LZTFL1: variants seen among roughly 807,000 people sequenced by gnomAD.
LZTFL1 encodes the protein leucine zipper transcription factor like 1.
Under a neutral mutation model 45.9 loss-of-function variants are expected in LZTFL1, and 25 were observed. The observed-to-expected ratio is 0.54, with a 90% CI of 0.40 to 0.76. The LOEUF (loss-of-function observed/expected upper bound fraction) is 0.76, where lower values mean the gene tolerates loss of function less well. Among genes scored for constraint, LZTFL1 ranks in the 30% least tolerant of loss-of-function variants. LZTFL1 has a pLI of 0.00. For synonymous variants in LZTFL1, 93 were observed against 117.4 expected (o/e 0.79, Z 1.35); for missense variants, 277 against 331.1 (o/e 0.84, Z 1.27).
intron 4 of LZTFL1, among the ~76,000 whole-genome samples, chr3:45,848,849 G>A (rs1327228721): frequency 6.6e-6 from 1 of 152,124 alleles, no homozygotes; most frequent in Admixed American, 6.5e-5. Context: ...TATATTTTAT[G>A]CATTAATTAA....
At chr3:45,838,489 A>G (rs1701020544) in intron 1 of LZTFL1, among the ~76,000 whole-genome samples, 1 of 152,236 alleles carries the variant, frequency 6.6e-6, no homozygotes, top group African/African-American at 2.4e-5. Context: ...GATGGCTGTT[A>G]AGTGAGAGCG....
chr3:45,849,369 A>C (rs185506286), intron 4 of LZTFL1, among the ~76,000 whole-genome samples: 13 of 152,354 alleles, frequency 8.5e-5, no homozygotes, highest in African/African-American at 2.9e-4. Context: ...TACAAACGCT[A>C]AGAGATTAAA....
intron 2 of LZTFL1, among the ~76,000 whole-genome samples, chr3:45,908,328 C>A (rs1352320476): frequency 6.6e-6 from 1 of 152,192 alleles, no homozygotes; most frequent in African/African-American, 2.4e-5. Context: ...CACAAGTAGG[C>A]CCAGCATTTC....
intron 2 of LZTFL1, among the ~76,000 whole-genome samples, chr3:45,908,877 T>C: frequency 6.6e-6 from 1 of 152,220 alleles, no homozygotes; most frequent in Non-Finnish European, 1.5e-5. Flanking sequence ...CTCTGTGGCC[T>C]GTTAGGAACC....
At chr3:45,893,155 C>T (rs542800540) in intron 2 of LZTFL1, among the ~76,000 whole-genome samples, 62 of 151,188 alleles carry the variant, frequency 4.1e-4, no homozygotes, top group African/African-American at 1.5e-3. Context: ...CTCTCTCTCT[C>T]TCTTTTTTTT....
At chr3:45,849,031 A>G (rs757523480) in intron 4 of LZTFL1, among the ~76,000 whole-genome samples, 58 of 152,222 alleles carry the variant, frequency 3.8e-4, no homozygotes, top group South Asian at 8.3e-4. Flanking sequence ...TTTATAGGCC[A>G]TCGGCCCTGT....
intron 2 of LZTFL1, among the ~76,000 whole-genome samples, chr3:45,892,897 G>A (rs973567929): frequency 1.6e-4 from 25 of 152,300 alleles, no homozygotes; most frequent in African/African-American, 4.6e-4. Flanking sequence ...GCTGACAGCC[G>A]GAGATGACAC....
At chr3:45,915,256 C>T (rs1306023597) in intron 1 of LZTFL1, among the ~76,000 whole-genome samples, 16 of 152,208 alleles carry the variant, frequency 1.1e-4, no homozygotes, top group Admixed American at 9.2e-4. Flanking sequence ...CTGGGTCCAG[C>T]CCTCCTTGCA....
chr3:45,896,688 T>A (rs962757473), intron 2 of LZTFL1, among the ~76,000 whole-genome samples: 1 of 152,186 alleles, frequency 6.6e-6, no homozygotes, highest in African/African-American at 2.4e-5. Flanking sequence ...GTCTCAATGT[T>A]GGGATTTAAT....
intron 2 of LZTFL1, among the ~76,000 whole-genome samples, chr3:45,904,315 T>C (rs1317452359): frequency 1.3e-5 from 2 of 152,236 alleles, no homozygotes; most frequent in Non-Finnish European, 2.9e-5. Flanking sequence ...ACCTTGACCA[T>C]TGGGACATTA....
At chr3:45,853,084 G>A (rs889174007) in intron 4 of LZTFL1, among the ~76,000 whole-genome samples, 2 of 152,172 alleles carry the variant, frequency 1.3e-5, no homozygotes, top group Non-Finnish European at 2.9e-5. Context: ...CACACTGAAG[G>A]TGGGGTAGGT....
chr3:45,855,000 G>A, exon 4 of LZTFL1: 1 of 1,534,170 alleles, frequency 6.5e-7, no homozygotes, highest in Non-Finnish European at 8.7e-7. Context: ...CTTTCTCCTG[G>A]AACTTAGCCC....
In LZTFL1 at chr3:45,895,093, A is replaced by C. The variant is rs901160169; in HGVS notation, c.-215+18027T>G. ...GTAAGATCTCTGCCTGGCAATGCGC[A>C]TTGCTGGGTAGGTTGTTGTCCAGCA... On this transcript the variant is annotated intron_variant, in intron 2 of 4. Transcript: ENST00000472635. 5 of 893,942 alleles carry C rather than the reference A, an allele frequency of 5.6e-6. No individual in the cohort carries two copies. The African/African-American group carries it at 8.1e-5, about 15-fold the overall frequency. The allele number at this position is 893,942 out of a possible 1,614,324, so 55.4% of individuals were successfully genotyped here.
At chr3:45,842,209 GT>G, upstream of LZTFL1, 2 of 1,417,168 alleles carry the variant, frequency 1.4e-6, no homozygotes, top group Non-Finnish European at 1.9e-6. Flanking sequence ...TGCGTAACCG[GT>G]TGACTGCCAC....
intron 7 of LZTFL1, among the ~76,000 whole-genome samples, chr3:45,829,313 ATACT>A (rs1700752003): frequency 2.0e-5 from 3 of 152,292 alleles, no homozygotes; most frequent in Middle Eastern, 3.4e-3. Context: ...AGATGAAGAA[ATACT>A]TAGTACTTTC....
chr3:45,853,577 G>A (rs114932447), intron 4 of LZTFL1, among the ~76,000 whole-genome samples: 3,277 of 151,910 alleles, frequency 0.022, 51 homozygotes, highest in Non-Finnish European at 0.033. Flanking sequence ...CTACTGATTC[G>A]CAAGAACTCT....
chr3:45,869,648 T>C (rs999705803), intron 2 of LZTFL1, among the ~76,000 whole-genome samples: 8 of 152,276 alleles, frequency 5.3e-5, no homozygotes, highest in African/African-American at 1.7e-4. Context: ...GGAAGGTGCC[T>C]GGAAGCAGTG....
intron 2 of LZTFL1, among the ~76,000 whole-genome samples, chr3:45,867,198 T>G (rs116688634): frequency 0.028 from 4,316 of 151,506 alleles, 209 homozygotes; most frequent in African/African-American, 0.098. Context: ...ATTTTTCATC[T>G]TTTAAATTAA....
intron 2 of LZTFL1, among the ~76,000 whole-genome samples, chr3:45,911,171 G>A (rs1210960233): frequency 1.3e-5 from 2 of 152,202 alleles, no homozygotes; most frequent in Non-Finnish European, 2.9e-5. Context: ...AGAGCAGCCA[G>A]AGGCCAGCCC....
Sources: allele counts gnomAD v4.1 joint callset (sites outside exome capture counted in the v4.1 genomes callset), GRCh38; gene constraint gnomAD v4.1.1; transcripts MANE v1.5; gene names NCBI Gene and HGNC (gene_info 2026-07-23, HGNC 2026-07-21).